Variants in POTEF observed in about 807,000 individuals in gnomAD.
POTEF encodes the protein POTE ankyrin domain family member F, also known as ANKRD26-like family C member 1B.
POTEF carries 20 observed loss-of-function variants against 83.2 expected under a neutral mutation model. The observed-to-expected ratio is 0.24, with a 90% CI of 0.17 to 0.35. The LOEUF (loss-of-function observed/expected upper bound fraction) is 0.35. Ranked by LOEUF, POTEF falls within the 10% of genes least tolerant of loss-of-function variation. The pLI is 1.00. For synonymous variants in POTEF, 196 were observed against 446.4 expected, an observed-to-expected ratio of 0.44 and a Z score of 7.07; for missense variants, 550 against 1,203.2, an observed-to-expected ratio of 0.46 and a Z score of 8.03.
At chr2:130,114,768 T>C (rs1684798763) in intron 5 of POTEF, 113 bp downstream of exon 5, 2 of 1,497,570 alleles carry the variant, frequency 1.3e-6, no homozygotes, top group Non-Finnish European at 1.8e-6. Context: ...TTTCAAAATA[T>C]TTCCATTCAG....
At chr2:130,114,602 G>A (rs1684793413) in intron 5 of POTEF, among the ~76,000 whole-genome samples, 1 of 148,014 alleles carries the variant, frequency 6.8e-6, no homozygotes, top group African/African-American at 2.5e-5. Context: ...AACATCCTAG[G>A]AGGGAAAAAT....
chr2:130,122,832 AAC>A (rs1685026687), intron 2 of POTEF, among the ~76,000 whole-genome samples: 2 of 151,938 alleles, frequency 1.3e-5, no homozygotes, highest in African/African-American at 2.4e-5. Context: ...TTTTTCAGAT[AAC>A]AGTTTGTCAT....
intron 2 of POTEF, among the ~76,000 whole-genome samples, chr2:130,123,648 AC>A (rs1010011822): frequency 2.0e-5 from 3 of 151,868 alleles, no homozygotes; most frequent in African/African-American, 7.3e-5. Context: ...GGAATAAAAA[AC>A]ATATCTATTA....
intron 1 of POTEF, among the ~76,000 whole-genome samples, chr2:130,128,295 G>A (rs1396006428): frequency 7.9e-5 from 12 of 151,638 alleles, no homozygotes; most frequent in Non-Finnish European, 1.6e-4. Context: ...CCGGAGAACC[G>A]CAGTGGGTGT....
chr2:130,116,201 T>C (rs2104822675), intron 3 of POTEF, among the ~76,000 whole-genome samples: 1 of 151,766 alleles, frequency 6.6e-6, no homozygotes, highest in African/African-American at 2.4e-5. Context: ...GGAATTCAAA[T>C]GAATAGCATG....
chr2:130,127,498 TGCCACCGAG>T (rs1474152663), intron 2 of POTEF, among the ~76,000 whole-genome samples: 1 of 150,496 alleles, frequency 6.6e-6, no homozygotes, highest in Non-Finnish European at 1.5e-5. Flanking sequence ...CCTCCACCAC[TGCCACCGAG>T]GCCCATGGTA....
chr2:130,107,090 A>G (rs1684556842), intron 8 of POTEF, among the ~76,000 whole-genome samples: 4 of 147,066 alleles, frequency 2.7e-5, no homozygotes, highest in Non-Finnish European at 5.9e-5. Flanking sequence ...GGTGTCCACA[A>G]CCAGGTAGCA....
chr2:130,078,255 AG>A lies in POTEF; in HGVS notation c.1779-1055del, dbSNP rs928142733. ...ATACATGAATTCAGTAAAGTCTCAG[AG>A]GTTACAAAATAAATGAATACCAATC... On this transcript the variant is annotated intron_variant, in intron 15 of 16. Transcript: ENST00000409914. Among the ~76,000 whole-genome samples the A allele has an allele frequency of 4.5e-5, 4 of 89,586 alleles. 2 individuals carry two copies. The highest frequency in any genetic ancestry group is 1.7e-4 in the African/African-American group (4 of 23,580). 58.8% of individuals were successfully genotyped at this position (89,586 alleles called of 152,430 possible). A position where few individuals can be genotyped will look rare whatever the true frequency, so the allele number is the denominator to read the frequency against.
intron 2 of POTEF, among the ~76,000 whole-genome samples, chr2:130,125,766 C>T (rs1398038995): frequency 2.6e-5 from 4 of 151,774 alleles, no homozygotes; most frequent in Admixed American, 6.6e-5. Flanking sequence ...AGTAGCCGGG[C>T]GTGGTGGCAG....
In POTEF at chr2:130,112,199, G is replaced by C. The variant is rs878917799; in HGVS notation, c.811-98C>G. 3.2e-6 allele frequency: 4 copies of C among 1,249,502 alleles called. No homozygotes were observed. In the Admixed American group the frequency reaches 8.5e-5, roughly 27 times the overall value. The allele number at this position is 1,249,502 out of a possible 1,614,324, so 77.4% of individuals were successfully genotyped here. On this transcript the variant is annotated intron_variant, in intron 5 of 16. Transcript: ENST00000409914. ...TATATAAGATCTTATGGACTTACAC[G>C]CATAGAAGTAAATAAAATGTAGTCA...
chr2:130,123,585 A>G lies in POTEF; in HGVS notation c.-93-2977T>C, dbSNP rs556931419. 2.8e-4 allele frequency among the ~76,000 whole-genome samples: 42 copies of G among 152,032 alleles called. 2 individuals are homozygous for G. Among genetic ancestry groups the G allele is most frequent in the African/African-American group, 9.0e-4 (37 of 41,290 alleles). On this transcript the variant is annotated intron_variant, in intron 2 of 16. Transcript: ENST00000409914. The stretch of plus-strand genomic sequence containing the variant: ...GTATATTCTGTAAGTGACATATGCA[A>G]TTGATACTATTTACTAAATATCTCA...
At chr2:130,093,076 A>G (rs1684169447) in intron 12 of POTEF, among the ~76,000 whole-genome samples, 2 of 145,030 alleles carry the variant, frequency 1.4e-5, no homozygotes, top group African/African-American at 5.3e-5. Flanking sequence ...TCATAGGAGC[A>G]TGAACCCTGT....
intron 15 of POTEF, among the ~76,000 whole-genome samples, chr2:130,083,307 C>G (rs1290554345): frequency 2.0e-5 from 3 of 152,084 alleles, no homozygotes; most frequent in Non-Finnish European, 2.9e-5. Context: ...TGAACTCCAG[C>G]CTGGGGGACA....
rs140164326 is a variant in POTEF at position 130,075,522 on chromosome 2, C to T, written c.1950G>A (p.Thr650=). ...TTAGCATGGCAATTTCTTCCCGCAA[C>T]GTACTATTTTCATGCAAGATGTCTT... ...KEKDILHENS[T]LREEIAMLRL... is the part of the protein sequence containing the mutation. The change falls in exon 17 of 17, where the codon ACG becomes ACA. Residue 650 remains threonine (T), a synonymous_variant. Transcript: ENST00000409914. 9,685 of 1,610,896 alleles carry T rather than the reference C, an allele frequency of 6.0e-3. 577 individuals carry two copies. The African/African-American group carries it at 0.11, about 18-fold the overall frequency.
At position 130,117,839 on chromosome 2, in the gene POTEF, T is replaced by G. The variant is rs189792751; in HGVS notation, c.521+2156A>C. Among the ~76,000 whole-genome samples the G allele has an allele frequency of 6.1e-3, 934 of 152,200 alleles. 18 individuals carry two copies. Among genetic ancestry groups the G allele is most frequent in the African/African-American group, 0.02 (833 of 41,452 alleles). ...TGGTTCTTACCACTAAAGTGTTTGTTTGAAAAGCTGTAGCAATTTAAACTT... is the reference window on the plus strand; with the variant it reads ...TGGTTCTTACCACTAAAGTGTTTGTGTGAAAAGCTGTAGCAATTTAAACTT... On this transcript the variant is annotated intron_variant, in intron 3 of 16. Coordinates refer to ENST00000409914, the MANE Select transcript of POTEF (RefSeq NM_001099771.2).
intron 8 of POTEF, among the ~76,000 whole-genome samples, chr2:130,104,540 C>T (rs997538152): frequency 3.3e-5 from 5 of 150,848 alleles, no homozygotes; most frequent in African/African-American, 4.9e-5. Context: ...AGGCTGCAAG[C>T]GGGGAAAAAA....
In POTEF at chr2:130,120,360, A is replaced by G. The variant is rs756541279; in HGVS notation, c.156T>C (p.Ser52=). The part of the protein sequence containing the change: ...NVGTSGDHDD[S]AMKTLRSKMG... ...TCTTGCTCCTGAGTGTCTTCATAGC[A>G]GAGTCGTCGTGGTCTCCAGAAGTGC... Residue 52 remains serine, a synonymous_variant, in exon 3 of 17, where the codon TCT becomes TCC. Transcript: ENST00000409914. 1.8e-5 allele frequency: 29 copies of G among 1,600,220 alleles called. No homozygotes were observed. Among genetic ancestry groups the G allele is most frequent in the Non-Finnish European group, 2.3e-5 (27 of 1,171,068 alleles).
chr2:130,087,357 T>A (rs866723933), intron 13 of POTEF, among the ~76,000 whole-genome samples: 3 of 2,000 alleles, frequency 1.5e-3, no homozygotes, highest in Non-Finnish European at 3.0e-3. Flanking sequence ...ATAATATGAT[T>A]CAATCATTGA....
At chr2:130,104,969 T>C (rs1684478594) in intron 8 of POTEF, among the ~76,000 whole-genome samples, 1 of 150,956 alleles carries the variant, frequency 6.6e-6, no homozygotes, top group Admixed American at 6.6e-5. Flanking sequence ...AGAAAAACAT[T>C]AGTCATTCCT....
Sources: allele counts gnomAD v4.1 joint callset (sites outside exome capture counted in the v4.1 genomes callset), GRCh38; gene constraint gnomAD v4.1.1; transcripts MANE v1.5; gene names NCBI Gene and HGNC (gene_info 2026-07-23, HGNC 2026-07-21).